Variants in TRPM1 observed in about 807,000 individuals in gnomAD.
TRPM1 encodes transient receptor potential cation channel subfamily M member 1.
A neutral mutation model predicts 149.4 loss-of-function variants in TRPM1; 113 were observed. That is an observed-to-expected ratio of 0.76 (90% CI 0.65 to 0.88). The LOEUF is 0.88. TRPM1 is among the 40% of genes least tolerant of loss of function. The probability of loss-of-function intolerance (pLI) is 0.00; values close to 1 mark genes in which losing one functional copy is unlikely to be tolerated. For missense variants in TRPM1, 1,976 were observed against 2,038.7 expected (o/e 0.97, Z 0.59); for synonymous variants, 741 against 759.5 (o/e 0.98, Z 0.40).
At position 31,022,496 on chromosome 15, in the gene TRPM1, A is replaced by C. The variant is rs569742190; in HGVS notation, c.3629+3643T>G. 2.6e-5 allele frequency among the ~76,000 whole-genome samples: 4 copies of C among 152,274 alleles called. No individual in the cohort carries two copies. In the South Asian group the frequency reaches 8.3e-4, roughly 32 times the overall value. Reference sequence around the variant, plus strand: ...TAATAATAAAAAAGGAGTTGTTTATAAAATGTTCTTATCCCACCAGCCCTC... The same window carrying C: ...TAATAATAAAAAAGGAGTTGTTTATCAAATGTTCTTATCCCACCAGCCCTC... On this transcript the variant is annotated intron_variant, in intron 27 of 27. Transcript: ENST00000256552.
At chr15:31,041,778 A>T (rs1364794348) in intron 17 of TRPM1, among the ~76,000 whole-genome samples, 173 bp downstream of exon 17, 1 of 152,230 alleles carries the variant, frequency 6.6e-6, no homozygotes, top group Non-Finnish European at 1.5e-5. Context: ...CAGTCCAAAA[A>T]CACCTCTGAG....
chr15:31,087,977 TTTATG>T (rs1158458257), intron 1 of TRPM1, among the ~76,000 whole-genome samples: 1 of 152,172 alleles, frequency 6.6e-6, no homozygotes, highest in Non-Finnish European at 1.5e-5. Flanking sequence ...GATGGTAAAT[TTTATG>T]TTATGTGTAT....
intron 1 of TRPM1, among the ~76,000 whole-genome samples, chr15:31,136,487 G>A (rs1370203832): frequency 1.3e-5 from 2 of 152,192 alleles, no homozygotes; most frequent in Non-Finnish European, 2.9e-5. Flanking sequence ...CACCCTCTAC[G>A]AGGTAACTGA....
At chr15:31,049,573 C>T in intron 12 of TRPM1, 64 bp from the exon 13 acceptor site, 1 of 1,591,808 alleles carries the variant, frequency 6.3e-7, no homozygotes, top group South Asian at 1.1e-5. Flanking sequence ...AGGGGGGCGA[C>T]TGGAAACACA....
upstream of TRPM1, among the ~76,000 whole-genome samples, chr15:31,104,751 G>A (rs1026381196): frequency 1.2e-4 from 18 of 151,734 alleles, no homozygotes; most frequent in African/African-American, 3.4e-4. Flanking sequence ...CTGCCACCAC[G>A]CCCGGCCAAT....
rs556963833 is a variant in TRPM1, at chr15:31,063,349, C to T, written c.791-57G>A. The T allele has an allele frequency of 4.4e-5, 70 of 1,608,174 alleles. 1 individual carries two copies. In the South Asian group the frequency reaches 5.9e-4, roughly 14 times the overall value. On this transcript the variant is annotated intron_variant, in intron 7 of 27. Transcript: ENST00000256552. ...CTGTGCCCTGCACTGTCCACCCAGTCGTTTTAACTCCTGAAGTATGGGGAA... is the reference window on the plus strand; with the variant it reads ...CTGTGCCCTGCACTGTCCACCCAGTTGTTTTAACTCCTGAAGTATGGGGAA...
chr15:31,136,121 G>A (rs1488283505), intron 1 of TRPM1, among the ~76,000 whole-genome samples: 1 of 151,796 alleles, frequency 6.6e-6, no homozygotes, highest in Non-Finnish European at 1.5e-5. Flanking sequence ...CCATGGTCAT[G>A]TTGGCCATCT....
chr15:31,150,041 G>A (rs943261867), intron 1 of TRPM1, among the ~76,000 whole-genome samples: 2 of 152,138 alleles, frequency 1.3e-5, no homozygotes, highest in Admixed American at 1.3e-4. Flanking sequence ...GGAAGTAAGG[G>A]GTAAAGCCCA....
intron 1 of TRPM1, among the ~76,000 whole-genome samples, chr15:31,135,677 C>T (rs1395345349): frequency 1.3e-5 from 2 of 151,922 alleles, no homozygotes; most frequent in Admixed American, 6.6e-5. Flanking sequence ...ATCTTGGTGC[C>T]GTCATCCTTG....
intron 3 of TRPM1, among the ~76,000 whole-genome samples, chr15:31,071,963 CAAAAAA>C (rs71790815): frequency 3.3e-5 from 1 of 30,330 alleles, no homozygotes; most frequent in Non-Finnish European, 5.2e-5. Flanking sequence ...GACTCCGTCT[CAAAAAA>C]AAAAAAAAAA....
intron 9 of TRPM1, 105 bp from the exon 10 acceptor site, chr15:31,061,619 C>A: frequency 1.1e-6 from 1 of 918,706 alleles, no homozygotes; most frequent in East Asian, 2.5e-5. Context: ...TAAAATGATC[C>A]TGAGCACTAA....
chr15:31,006,333 A>G (rs1423900356), intron 27 of TRPM1, among the ~76,000 whole-genome samples: 1 of 152,138 alleles, frequency 6.6e-6, no homozygotes, highest in African/African-American at 2.4e-5. Flanking sequence ...GCCCGCCACC[A>G]TGCCTGACTA....
chr15:31,142,326 A>G (rs1159922308), intron 1 of TRPM1, among the ~76,000 whole-genome samples: 3 of 152,238 alleles, frequency 2.0e-5, no homozygotes, highest in Non-Finnish European at 4.4e-5. Context: ...TCAAAAAAGT[A>G]CACTGATGCA....
At chr15:31,150,216 C>A (rs2141060743) in intron 1 of TRPM1, among the ~76,000 whole-genome samples, 1 of 152,298 alleles carries the variant, frequency 6.6e-6, no homozygotes, top group Non-Finnish European at 1.5e-5. Flanking sequence ...GGTTTCTTTC[C>A]TGCAGGACTT....
intron 16 of TRPM1, among the ~76,000 whole-genome samples, chr15:31,044,525 C>G (rs1020985393): frequency 2.0e-5 from 3 of 152,076 alleles, no homozygotes; most frequent in Admixed American, 6.6e-5. Flanking sequence ...GTAATTCCAG[C>G]ACTTTGGGAG....
chr15:31,072,006 TATATATATATATAGAGAGAGAGAG>T lies in TRPM1; in HGVS notation c.84-1804_84-1781del, dbSNP rs1471767511. On this transcript the variant is annotated intron_variant, in intron 3 of 27. Transcript: ENST00000256552. ...ATATATATATATATATATATATATA[TATATATATATATAGAGAGAGAGAG>T]AGAGAGAGAGAGAGAGAGAGATTAA... is the stretch of plus-strand genomic sequence containing the variant. 6.5e-3 allele frequency among the ~76,000 whole-genome samples: 249 copies of T among 38,278 alleles called. 1 individual carries two copies. Among genetic ancestry groups the T allele is most frequent in the Non-Finnish European group, 0.012 (209 of 16,952 alleles). The allele number at this position is 38,278 out of a possible 152,430, so 25.1% of individuals were successfully genotyped here. A position where few individuals can be genotyped will look rare whatever the true frequency, so the allele number is the denominator to read the frequency against.
At chr15:31,006,068 G>C (rs185563643) in intron 27 of TRPM1, among the ~76,000 whole-genome samples, 67 of 152,304 alleles carry the variant, frequency 4.4e-4, no homozygotes, top group African/African-American at 1.5e-3. Flanking sequence ...AGCACAGAGT[G>C]AAAAATATTT....
At chr15:31,113,600 A>C (rs892517394) in intron 1 of TRPM1, among the ~76,000 whole-genome samples, 1 of 152,182 alleles carries the variant, frequency 6.6e-6, no homozygotes, top group Non-Finnish European at 1.5e-5. Flanking sequence ...GGTTTGTTAC[A>C]CAAGTAAACT....
At chr15:31,090,387 C>T (rs2035202751) in intron 1 of TRPM1, among the ~76,000 whole-genome samples, 1 of 152,126 alleles carries the variant, frequency 6.6e-6, no homozygotes, top group Admixed American at 6.5e-5. Flanking sequence ...GCCTGTACTC[C>T]TAGCACTTTG....
Sources: allele counts gnomAD v4.1 joint callset (sites outside exome capture counted in the v4.1 genomes callset), GRCh38; gene constraint gnomAD v4.1.1; transcripts MANE v1.5; gene names NCBI Gene and HGNC (gene_info 2026-07-23, HGNC 2026-07-21).